Variants in GNG4 observed in about 807,000 individuals in gnomAD.
The protein encoded by GNG4 is guanine nucleotide-binding protein G(I)/G(S)/G(O) subunit gamma-4.
A neutral mutation model predicts 5.8 loss-of-function variants in GNG4; 4 were observed. That is an observed-to-expected ratio of 0.69 (90% CI 0.34 to 1.57). GNG4 has a LOEUF of 1.57. Among genes scored for constraint, GNG4 ranks in the 40% most tolerant of loss-of-function variants. The probability of loss-of-function intolerance (pLI) is 0.06; values close to 1 mark genes in which losing one functional copy is unlikely to be tolerated. For missense variants in GNG4, 96 were observed against 95.1 expected (o/e 1.01, Z -0.04); for synonymous variants, 29 against 32.9 (o/e 0.88, Z 0.41).
intron 1 of GNG4, among the ~76,000 whole-genome samples, chr1:235,611,610 C>T (rs1190841660): frequency 2.6e-5 from 4 of 152,162 alleles, no homozygotes; most frequent in African/African-American, 9.7e-5. Context: ...ATCCCAACTT[C>T]GCATTAGACA....
chr1:235,620,412 G>T (rs1249425984), intron 1 of GNG4, among the ~76,000 whole-genome samples: 1 of 152,228 alleles, frequency 6.6e-6, no homozygotes, highest in African/African-American at 2.4e-5. Flanking sequence ...GCAGAGGTCA[G>T]TCCTAGTCGG....
At chr1:235,563,179 T>C (rs978425030) in intron 3 of GNG4, among the ~76,000 whole-genome samples, 11 of 152,132 alleles carry the variant, frequency 7.2e-5, no homozygotes, top group African/African-American at 2.6e-4. Flanking sequence ...TCCCAGCACT[T>C]TGGGAGGCTG....
intron 1 of GNG4, chr1:235,616,520 T>C: frequency 5.1e-6 from 1 of 194,432 alleles, no homozygotes; most frequent in Non-Finnish European, 1.0e-5. Context: ...CTTACACAGA[T>C]TGTATTCCCG....
chr1:235,613,784 G>A (rs73120792), intron 1 of GNG4, among the ~76,000 whole-genome samples: 14 of 152,256 alleles, frequency 9.2e-5, no homozygotes, highest in African/African-American at 3.1e-4. Flanking sequence ...AACTTGCTAC[G>A]GCAGCAATAC....
At chr1:235,558,002 A>T (rs1441662590) in intron 3 of GNG4, among the ~76,000 whole-genome samples, 1 of 152,158 alleles carries the variant, frequency 6.6e-6, no homozygotes. Context: ...CTTGCAAGAA[A>T]ACGAGTTGTT....
intron 1 of GNG4, among the ~76,000 whole-genome samples, chr1:235,618,129 G>A (rs190589567): frequency 6.6e-6 from 1 of 152,210 alleles, no homozygotes; most frequent in East Asian, 1.9e-4. Flanking sequence ...CAAAATTTAG[G>A]ATTTGCTACT....
At chr1:235,604,473 C>T (rs4130239) in intron 1 of GNG4, among the ~76,000 whole-genome samples, 36,918 of 152,106 alleles carry the variant, frequency 0.24, 5,082 homozygotes, top group South Asian at 0.32. Flanking sequence ...TTGGCAGGGT[C>T]ACGCTCCCTC....
intron 1 of GNG4, chr1:235,616,386 T>A: frequency 3.0e-6 from 1 of 334,512 alleles, no homozygotes; most frequent in Non-Finnish European, 5.8e-6. Flanking sequence ...TCAGGACAGA[T>A]CCAGATTGGG....
chr1:235,570,864 G>A (rs12125509), intron 3 of GNG4, among the ~76,000 whole-genome samples: 1,906 of 75,306 alleles, frequency 0.025, 100 homozygotes, highest in Admixed American at 0.17. Flanking sequence ...ATATATATAT[G>A]TGTGTGTGTG....
rs1049568806 is a variant in GNG4 at position 235,648,606 on chromosome 1, G to C, written c.-123+1056C>G. Among the ~76,000 whole-genome samples, 2 of 152,220 alleles carry C rather than the reference G, an allele frequency of 1.3e-5. No homozygotes were observed. Among genetic ancestry groups the C allele is most frequent in the Non-Finnish European group, 2.9e-5 (2 of 68,046 alleles). On this transcript the variant is annotated intron_variant, in intron 1 of 3. Transcript: ENST00000391854. The surrounding 1 kb of genome is among the most constrained non-coding windows in gnomAD (Gnocchi z 5.0). ...CCATGGCTACTGTGAGGCATTCGCC[G>C]CTGCAAATTTCCTGTCCACTGTGGG... is the stretch of plus-strand genomic sequence containing the variant.
At chr1:235,592,576 A>T (rs72761730) in intron 2 of GNG4, among the ~76,000 whole-genome samples, 1 of 151,752 alleles carries the variant, frequency 6.6e-6, no homozygotes, top group South Asian at 2.1e-4. Context: ...CAGAGCTAAC[A>T]TTTTTTTTGC....
At position 235,559,374 on chromosome 1, in the gene GNG4, G is replaced by A. The variant is rs909028641; in HGVS notation, c.100-7137C>T. On this transcript the variant is annotated intron_variant, in intron 3 of 3. Coordinates refer to ENST00000391854, the MANE Select transcript of GNG4 (RefSeq NM_001098722.2). ...CAGTGGGATCCTGGGGACATTACAG[G>A]TATATACCTCACCTTTAAATTCTCA... Among the ~76,000 whole-genome samples, 4 of 152,176 alleles carry A rather than the reference G, an allele frequency of 2.6e-5. No homozygotes were observed. In the East Asian group the frequency reaches 7.7e-4, roughly 29 times the overall value.
chr1:235,553,257 T>C (rs953063801), intron 3 of GNG4, among the ~76,000 whole-genome samples: 1 of 152,194 alleles, frequency 6.6e-6, no homozygotes, highest in Non-Finnish European at 1.5e-5. Context: ...AAGCATTTGC[T>C]AAGAGGGAGA....
chr1:235,570,499 C>T (rs945725374), intron 3 of GNG4, among the ~76,000 whole-genome samples: 3 of 148,384 alleles, frequency 2.0e-5, no homozygotes, highest in Non-Finnish European at 3.0e-5. Flanking sequence ...CGGGTTCAAG[C>T]GATTCTCCTG....
rs954988663 is a variant in GNG4, at chr1:235,637,932, G to A, written c.-123+11730C>T. 1.1e-4 allele frequency among the ~76,000 whole-genome samples: 16 copies of A among 152,258 alleles called. No individual in the cohort carries two copies. The South Asian group carries it at 1.5e-3, about 14-fold the overall frequency. ...TCTGCTCTTGTGGCACTCCCAGTCCGGCACAGACTTGAGGAGACCACCGAA... is the reference window on the plus strand; with the variant it reads ...TCTGCTCTTGTGGCACTCCCAGTCCAGCACAGACTTGAGGAGACCACCGAA... On this transcript the variant is annotated intron_variant, in intron 1 of 3. Transcript: ENST00000391854.
At chr1:235,570,530 G>A (rs369080936) in intron 3 of GNG4, among the ~76,000 whole-genome samples, 2 of 150,860 alleles carry the variant, frequency 1.3e-5, no homozygotes, top group Non-Finnish European at 1.5e-5. Flanking sequence ...CCGAGTAGCT[G>A]GGATTACAGG....
chr1:235,622,229 A>T lies in GNG4; in HGVS notation c.-122-26718T>A, dbSNP rs533881387. On this transcript the variant is annotated intron_variant, in intron 1 of 3. Transcript: ENST00000391854. ...TTCCTTTTTGAACCATGGGCTATTT[A>T]GAAGTGTGTTGTTAGATTAGGTGAG... Among the ~76,000 whole-genome samples the T allele has an allele frequency of 4.6e-5, 7 of 152,288 alleles. No individual in the cohort carries two copies. In the East Asian group the frequency reaches 1.4e-3, roughly 29 times the overall value.
chr1:235,632,338 T>C (rs1403926418), intron 1 of GNG4, among the ~76,000 whole-genome samples: 6 of 152,168 alleles, frequency 3.9e-5, no homozygotes, highest in Admixed American at 3.9e-4. Flanking sequence ...CTTCCCACCC[T>C]GGCCTCCCAA....
chr1:235,565,287 G>A (rs1231657549), intron 3 of GNG4, among the ~76,000 whole-genome samples: 1 of 152,000 alleles, frequency 6.6e-6, no homozygotes. Flanking sequence ...GATCACCTGA[G>A]GTCAGGAGTT....
Sources: allele counts gnomAD v4.1 joint callset (sites outside exome capture counted in the v4.1 genomes callset), GRCh38; gene constraint gnomAD v4.1.1; non-coding constraint Gnocchi (gnomAD v3.1); transcripts MANE v1.5; gene names NCBI Gene and HGNC (gene_info 2026-07-23, HGNC 2026-07-21).